The following RYR2 variants were observed in gnomAD, a reference collection of about 807,000 sequenced individuals.
RYR2 encodes the protein cardiac muscle ryanodine receptor-calcium release channel.
A neutral mutation model predicts 601.1 loss-of-function variants in RYR2; 227 were observed. The observed-to-expected ratio is 0.38, with a 90% CI of 0.34 to 0.42. The LOEUF (loss-of-function observed/expected upper bound fraction) is 0.42. Ranked by LOEUF, RYR2 falls within the 10% of genes least tolerant of loss-of-function variation. The pLI is 1.00. For synonymous variants in RYR2, 2,223 were observed against 2,175.1 expected, an observed-to-expected ratio of 1.02 and a Z score of -0.61; for missense variants, 4,646 against 6,156.5, an observed-to-expected ratio of 0.75 and a Z score of 8.21.
At chr1:237,532,020 A>G (rs1173267682) in intron 25 of RYR2, among the ~76,000 whole-genome samples, 1 of 152,016 alleles carries the variant, frequency 6.6e-6, no homozygotes, top group Non-Finnish European at 1.5e-5. Flanking sequence ...GTCTTTGAGT[A>G]CTCTATCCTA....
intron 1 of RYR2, among the ~76,000 whole-genome samples, chr1:237,092,274 G>A (rs1329847902): frequency 6.6e-6 from 1 of 152,064 alleles, no homozygotes; most frequent in Admixed American, 6.5e-5. Context: ...GTAAAAGCAG[G>A]CTGAAATATC....
At chr1:237,481,115 T>TAC (rs1262446922) in intron 17 of RYR2, among the ~76,000 whole-genome samples, 7 of 74,886 alleles carry the variant, frequency 9.3e-5, no homozygotes, top group African/African-American at 4.9e-4. Context: ...TACATATATA[T>TAC]ATATATATAT....
intron 11 of RYR2, among the ~76,000 whole-genome samples, chr1:237,418,330 C>T (rs964827293): frequency 1.3e-5 from 2 of 152,186 alleles, no homozygotes; most frequent in African/African-American, 4.8e-5. Context: ...GTGTGAGCCA[C>T]CACGCTCGGC....
chr1:237,714,892 G>A (rs1689129358), intron 71 of RYR2, among the ~76,000 whole-genome samples: 1 of 150,248 alleles, frequency 6.7e-6, no homozygotes, highest in African/African-American at 2.5e-5. Context: ...TACTTGGGAG[G>A]CTGAGGCAGA....
At chr1:237,730,169 T>C (rs1203469363) in intron 76 of RYR2, 91 bp from the exon 77 acceptor site, 1 of 736,242 alleles carries the variant, frequency 1.4e-6, no homozygotes, top group African/African-American at 1.7e-5. Context: ...ACACTTTCAG[T>C]GCACAGATAA....
At chr1:237,444,179 A>G (rs1708137980) in intron 13 of RYR2, among the ~76,000 whole-genome samples, 1 of 152,154 alleles carries the variant, frequency 6.6e-6, no homozygotes, top group African/African-American at 2.4e-5. Flanking sequence ...TATCATCACA[A>G]GGAATCAAAT....
intron 1 of RYR2, among the ~76,000 whole-genome samples, chr1:237,107,439 T>A (rs577567671): frequency 1.5e-5 from 2 of 137,096 alleles, no homozygotes; most frequent in African/African-American, 2.7e-5. Flanking sequence ...GAGAATGGCG[T>A]GAACCCAGAG....
intron 1 of RYR2, among the ~76,000 whole-genome samples, chr1:237,194,296 C>T (rs956912298): frequency 2.6e-5 from 4 of 152,152 alleles, no homozygotes; most frequent in South Asian, 2.1e-4. Flanking sequence ...TTTTGGCTGT[C>T]GCAGTTCTAT....
chr1:237,183,031 G>T (rs1252909022), intron 1 of RYR2, among the ~76,000 whole-genome samples: 2 of 152,142 alleles, frequency 1.3e-5, no homozygotes, highest in African/African-American at 4.8e-5. Flanking sequence ...AAGCGCATTA[G>T]TTGGTTTGGT....
At chr1:237,196,140 T>G (rs1435214521) in intron 1 of RYR2, among the ~76,000 whole-genome samples, 1 of 152,172 alleles carries the variant, frequency 6.6e-6, no homozygotes, top group African/African-American at 2.4e-5. Context: ...GAGTATATTG[T>G]GGTCTAGGAA....
chr1:237,576,730 T>C (rs1673263343), intron 29 of RYR2, among the ~76,000 whole-genome samples: 1 of 152,102 alleles, frequency 6.6e-6, no homozygotes, highest in African/African-American at 2.4e-5. Context: ...GGAGAAGCTA[T>C]TCACAATGTG....
intron 63 of RYR2, among the ~76,000 whole-genome samples, chr1:237,695,609 A>C (rs1687354841): frequency 6.6e-6 from 1 of 152,170 alleles, no homozygotes; most frequent in South Asian, 2.1e-4. Context: ...TGATAACGTG[A>C]TTGACATTTC....
At chr1:237,485,848 T>C (rs1662628851) in intron 17 of RYR2, among the ~76,000 whole-genome samples, 1 of 151,922 alleles carries the variant, frequency 6.6e-6, no homozygotes, top group Non-Finnish European at 1.5e-5. Context: ...CTAAGGGGAG[T>C]GGACTTTGAC....
At position 237,548,614 on chromosome 1, in the gene RYR2, C is replaced by A. The variant is rs1285860081; in HGVS notation, c.3066+24C>A. The A allele has an allele frequency of 3.7e-6, 6 of 1,607,170 alleles. No homozygotes were observed. The Admixed American group carries it at 5.1e-5, about 14-fold the overall frequency. On this transcript the variant is annotated intron_variant, in intron 26 of 104. Transcript: ENST00000366574. ...AGGTACATGGGAATTAGCATTTGGT[C>A]TGAGACTTACTTAAGTGGGAATTAG... is the stretch of plus-strand genomic sequence containing the variant.
chr1:237,682,632 T>C (rs916226153), intron 62 of RYR2, among the ~76,000 whole-genome samples: 1 of 152,194 alleles, frequency 6.6e-6, no homozygotes, highest in Non-Finnish European at 1.5e-5. Context: ...TGTACTTATA[T>C]CATGGTCTTA....
At chr1:237,122,968 T>C (rs2148657597) in intron 1 of RYR2, among the ~76,000 whole-genome samples, 1 of 152,368 alleles carries the variant, frequency 6.6e-6, no homozygotes. Flanking sequence ...AAAAGACATG[T>C]ATATCTTCTT....
intron 1 of RYR2, among the ~76,000 whole-genome samples, chr1:237,051,992 A>G (rs1397320525): frequency 1.3e-5 from 2 of 152,234 alleles, no homozygotes; most frequent in Admixed American, 6.5e-5. Flanking sequence ...TGTGTGCCAC[A>G]TCATAGGTCC....
At chr1:237,297,788 T>C (rs1225976289) in intron 2 of RYR2, among the ~76,000 whole-genome samples, 5 of 151,908 alleles carry the variant, frequency 3.3e-5, no homozygotes, top group Non-Finnish European at 7.4e-5. Context: ...TCTTGCTCTT[T>C]TCCCCAGGCA....
chr1:237,798,018 C>CT lies in RYR2; in HGVS notation c.13957-14dup. The CT allele has an allele frequency of 3.1e-6, 5 of 1,599,478 alleles. No homozygotes were observed. Among genetic ancestry groups the CT allele is most frequent in the Non-Finnish European group, 4.3e-6 (5 of 1,173,704 alleles). On this transcript the variant is annotated intron_variant, in intron 96 of 104. Transcript: ENST00000366574. ...CTTAATGGTTGAAGCCAACAAAATG[C>CT]TTTTTCTCATACCCCAAGGTTATGG...
Sources: gnomAD v4.1 joint callset for allele counts (sites outside exome capture counted in the v4.1 genomes callset) on GRCh38, gnomAD v4.1.1 for gene constraint, MANE v1.5 for transcripts, NCBI Gene and HGNC (gene_info 2026-07-23, HGNC 2026-07-21) for gene names.